Variants in SLCO3A1 observed in about 807,000 individuals in gnomAD.
The protein encoded by SLCO3A1 is PGE1 transporter.
A neutral mutation model predicts 63.1 loss-of-function variants in SLCO3A1; 27 were observed. The observed-to-expected ratio is 0.43, with a 90% CI of 0.32 to 0.59. The LOEUF (loss-of-function observed/expected upper bound fraction) is 0.59, where lower values mean the gene tolerates loss of function less well. Ranked by LOEUF, SLCO3A1 falls within the 20% of genes least tolerant of loss-of-function variation. The pLI, the probability that SLCO3A1 is intolerant of heterozygous loss-of-function variation, is 0.09. For missense variants in SLCO3A1, 773 were observed against 945.8 expected, an observed-to-expected ratio of 0.82 and a Z score of 2.40; for synonymous variants, 473 against 409.9, an observed-to-expected ratio of 1.15 and a Z score of -1.86.
chr15:91,930,585 A>C (rs1899190851), intron 2 of SLCO3A1, among the ~76,000 whole-genome samples: 1 of 152,214 alleles, frequency 6.6e-6, no homozygotes, highest in African/African-American at 2.4e-5. Context: ...TGTTAAATTT[A>C]ATTGTCTACA....
chr15:91,853,998 AAAG>A lies in SLCO3A1; in HGVS notation c.94_96del (p.Lys32del), dbSNP rs1477752440. On this transcript the variant is annotated inframe_deletion, in exon 1 of 10. Coordinates refer to ENST00000318445, the MANE Select transcript of SLCO3A1 (RefSeq NM_013272.4). ...AGGCGCAGAGGAACAAGAAAAAGAAAAAGAAGGTGTCCTGCTTTTCCAACATCA... is the reference window on the plus strand; with the variant it reads ...AGGCGCAGAGGAACAAGAAAAAGAAAAAGGTGTCCTGCTTTTCCAACATCA... The A allele has an allele frequency of 3.2e-6, 5 of 1,542,332 alleles. No homozygotes were observed. The highest frequency in any genetic ancestry group is 2.4e-5 in the South Asian group (2 of 83,992).
chr15:91,903,520 G>A (rs1456620965), intron 1 of SLCO3A1, among the ~76,000 whole-genome samples: 2 of 152,178 alleles, frequency 1.3e-5, no homozygotes. Flanking sequence ...AGCTGTGGGA[G>A]AGCAGGGGGT....
intron 2 of SLCO3A1, among the ~76,000 whole-genome samples, chr15:92,004,095 T>G (rs2046286489): frequency 6.6e-6 from 1 of 152,216 alleles, no homozygotes; most frequent in Admixed American, 6.5e-5. Context: ...CACCCAGACC[T>G]TCTGGGAGAG....
intron 2 of SLCO3A1, among the ~76,000 whole-genome samples, chr15:92,000,640 A>G (rs566768285): frequency 6.6e-6 from 1 of 152,336 alleles, no homozygotes; most frequent in African/African-American, 2.4e-5. Context: ...GGTCAGTTAT[A>G]CTAATTTAAT....
intron 2 of SLCO3A1, among the ~76,000 whole-genome samples, chr15:91,995,904 C>A (rs561038814): frequency 6.6e-6 from 1 of 152,106 alleles, no homozygotes; most frequent in South Asian, 2.1e-4. Flanking sequence ...AGAATGTCTA[C>A]AAAAATATTC....
At chr15:92,142,294 A>G (rs2151582153) in intron 7 of SLCO3A1, among the ~76,000 whole-genome samples, 1 of 152,308 alleles carries the variant, frequency 6.6e-6, no homozygotes. Context: ...AACACTTTAA[A>G]GTGCATGGCT....
At chr15:92,101,527 G>A (rs1216004750) in intron 3 of SLCO3A1, among the ~76,000 whole-genome samples, 1 of 151,964 alleles carries the variant, frequency 6.6e-6, no homozygotes, top group African/African-American at 2.4e-5. Context: ...AAAAAAATTA[G>A]TATTTGTTAT....
rs777202369 is a variant in SLCO3A1 at position 92,128,414 on chromosome 15, C to T, written c.1437C>T (p.Thr479=). The T allele has an allele frequency of 4.5e-5, 73 of 1,613,998 alleles. No homozygotes were observed. The highest frequency in any genetic ancestry group is 5.8e-5 in the Non-Finnish European group (68 of 1,180,012). Residue 479 remains threonine (T), a synonymous_variant, in exon 7 of 10, where the codon ACC becomes ACT. Coordinates refer to ENST00000318445, the MANE Select transcript of SLCO3A1 (RefSeq NM_013272.4). ...GCAATAATAACTGTGAATGCCAAAC[C>T]GATTCCTTCACTCCAGTGTGTGGGG... ...SPCNNNCECQ[T]DSFTPVCGAD... is the part of the protein sequence containing the mutation.
intron 7 of SLCO3A1, among the ~76,000 whole-genome samples, chr15:92,142,305 TA>T (rs1567141918): frequency 6.6e-6 from 1 of 152,228 alleles, no homozygotes; most frequent in African/African-American, 2.4e-5. Context: ...GTGCATGGCT[TA>T]TAAACAACAC....
At position 92,033,425 on chromosome 15, in the gene SLCO3A1, G is replaced by A. The variant is rs997243640; in HGVS notation, c.647-61456G>A. On this transcript the variant is annotated intron_variant, in intron 2 of 9. Transcript: ENST00000318445. The surrounding 1 kb of genome is among the most constrained non-coding windows in gnomAD (Gnocchi z 4.5). Reference sequence around the variant, plus strand: ...TTCCCCTTAGTGGAGAAGTAACGATGTTCACGCTTGGGCAGCTGGATGGAC... The same window carrying A: ...TTCCCCTTAGTGGAGAAGTAACGATATTCACGCTTGGGCAGCTGGATGGAC... Among the ~76,000 whole-genome samples the A allele has an allele frequency of 1.3e-5, 2 of 152,182 alleles. No individual in the cohort carries two copies. The highest frequency in any genetic ancestry group is 2.9e-5 in the Non-Finnish European group (2 of 68,036).
rs545514336 is a variant in SLCO3A1, at chr15:91,948,559, C to T, written c.646+32101C>T. 1.3e-5 allele frequency among the ~76,000 whole-genome samples: 2 copies of T among 152,252 alleles called. No homozygotes were observed. The highest frequency in any genetic ancestry group is 2.1e-4 in the South Asian group (1 of 4,816). Reference sequence around the variant, plus strand: ...AAGTCAGGAGAGGGCCGAATGTGCACGAGACTCTGCAGGAAGGCTGAAAAA... The same window carrying T: ...AAGTCAGGAGAGGGCCGAATGTGCATGAGACTCTGCAGGAAGGCTGAAAAA... On this transcript the variant is annotated intron_variant, in intron 2 of 9. Transcript: ENST00000318445. This position sits in a 1 kb window ranked among gnomAD's most constrained non-coding sequence, Gnocchi z 4.8.
chr15:91,893,350 T>C (rs78948529), intron 1 of SLCO3A1, among the ~76,000 whole-genome samples: 1,687 of 152,298 alleles, frequency 0.011, 32 homozygotes, highest in African/African-American at 0.039. Flanking sequence ...TACCATAAAC[T>C]GGGTGGCTTA....
rs888194080 is a variant in SLCO3A1, at chr15:92,147,459, G to A, written c.1688+300G>A. Among the ~76,000 whole-genome samples, 18 of 152,136 alleles carry A rather than the reference G, an allele frequency of 1.2e-4. 1 individual carries two copies. Among genetic ancestry groups the A allele is most frequent in the East Asian group, 9.7e-4 (5 of 5,180 alleles). ...GAGCCTTACAGGACGCAGCCTCGTT[G>A]GAGGAAAATGAAAGTGGCGTCAGTG... On this transcript the variant is annotated intron_variant, in intron 8 of 9. Transcript: ENST00000318445.
chr15:92,146,874 G>T lies in SLCO3A1; in HGVS notation c.1513-110G>T, dbSNP rs1019404378. ...CTCGTTTATTCAGGCCTAATTAATG[G>T]AATGCCACAGAATGTGTAATTAGGC... On this transcript the variant is annotated intron_variant, in intron 7 of 9. Transcript: ENST00000318445. The T allele has an allele frequency of 1.3e-5, 13 of 980,242 alleles. No homozygotes were observed. In the African/African-American group the frequency reaches 2.1e-4, roughly 16 times the overall value. The allele number at this position is 980,242 out of a possible 1,614,324, so 60.7% of individuals were successfully genotyped here.
chr15:91,946,675 G>A (rs116759042), intron 2 of SLCO3A1, among the ~76,000 whole-genome samples: 276 of 152,242 alleles, frequency 1.8e-3, no homozygotes, highest in African/African-American at 6.5e-3. Flanking sequence ...GGACTTGGGA[G>A]GATTATACTG....
At chr15:91,914,034 C>T (rs1027276448) in intron 1 of SLCO3A1, among the ~76,000 whole-genome samples, 1 of 152,198 alleles carries the variant, frequency 6.6e-6, no homozygotes, top group Non-Finnish European at 1.5e-5. Flanking sequence ...CCGGTGTTCA[C>T]AGATAAATGA....
At chr15:91,957,822 A>G (rs1043341759) in intron 2 of SLCO3A1, among the ~76,000 whole-genome samples, 1 of 152,170 alleles carries the variant, frequency 6.6e-6, no homozygotes, top group Admixed American at 6.5e-5. Context: ...TTTCTGTCCC[A>G]CTACACCAAA....
chr15:91,890,826 C>G (rs1897851127), intron 1 of SLCO3A1, among the ~76,000 whole-genome samples: 1 of 152,232 alleles, frequency 6.6e-6, no homozygotes, highest in Non-Finnish European at 1.5e-5. Context: ...GCTGGTGTGA[C>G]TCACTGATGC....
At chr15:91,997,916 G>A (rs79142524) in intron 2 of SLCO3A1, among the ~76,000 whole-genome samples, 2 of 152,050 alleles carry the variant, frequency 1.3e-5, no homozygotes, top group African/African-American at 4.8e-5. Context: ...CCTAGGGAAA[G>A]AAACCTAGGA....
Sources: gnomAD v4.1 joint callset for allele counts (sites outside exome capture counted in the v4.1 genomes callset) on GRCh38, gnomAD v4.1.1 for gene constraint, Gnocchi (gnomAD v3.1) non-coding constraint, MANE v1.5 for transcripts, NCBI Gene and HGNC (gene_info 2026-07-23, HGNC 2026-07-21) for gene names.